Variants in CDH12 observed in about 807,000 individuals in gnomAD.
The protein encoded by CDH12 is cadherin-12.
CDH12 carries 41 observed loss-of-function variants against 74.1 expected under a neutral mutation model. The observed-to-expected ratio is 0.55, with a 90% CI of 0.43 to 0.72. CDH12 has a LOEUF of 0.72. CDH12 is among the 30% of genes least tolerant of loss of function. CDH12 has a pLI of 0.00. For synonymous variants in CDH12, 399 were observed against 355.0 expected (o/e 1.12, Z -1.39); for missense variants, 945 against 977.2 (o/e 0.97, Z 0.44).
chr5:21,798,072 AT>A (rs1746892027), intron 10 of CDH12, among the ~76,000 whole-genome samples: 1 of 151,990 alleles, frequency 6.6e-6, no homozygotes, highest in Admixed American at 6.6e-5. Flanking sequence ...AACTGTTCAC[AT>A]TTAAAAAAGA....
chr5:22,137,240 G>A (rs1176502252), intron 4 of CDH12, among the ~76,000 whole-genome samples: 6 of 152,040 alleles, frequency 3.9e-5, no homozygotes, highest in Non-Finnish European at 7.4e-5. Context: ...TGCCATTCAC[G>A]TTTTAGTAGT....
rs1161509257 is a variant in CDH12 at position 22,666,282 on chromosome 5, C to CTTTTTTTTTTTTTT, written c.-522-160932_-522-160919dup. On this transcript the variant is annotated intron_variant, in intron 1 of 14. Coordinates refer to ENST00000382254, the MANE Select transcript of CDH12 (RefSeq NM_004061.5). ...TTATGGGATTTCTGTATCTCTCTAT[C>CTTTTTTTTTTTTTT]TTTTTTTTTTTTTTTTTTTGTTTTT... is the stretch of plus-strand genomic sequence containing the variant. Among the ~76,000 whole-genome samples the CTTTTTTTTTTTTTT allele has an allele frequency of 2.8e-3, 230 of 83,510 alleles. 17 individuals are homozygous for CTTTTTTTTTTTTTT. The highest frequency in any genetic ancestry group is 0.012 in the East Asian group (34 of 2,952). 54.8% of individuals were successfully genotyped at this position (83,510 alleles called of 152,430 possible).
chr5:22,541,894 G>T (rs1001371108), intron 1 of CDH12, among the ~76,000 whole-genome samples: 3 of 152,156 alleles, frequency 2.0e-5, no homozygotes, highest in African/African-American at 7.2e-5. Flanking sequence ...CTTGAACCCA[G>T]TGTCAACACT....
At chr5:22,631,249 C>G (rs1408178872) in intron 1 of CDH12, among the ~76,000 whole-genome samples, 1 of 152,142 alleles carries the variant, frequency 6.6e-6, no homozygotes, top group African/African-American at 2.4e-5. Flanking sequence ...GAACTTAAAA[C>G]AGAATTACCA....
intron 1 of CDH12, among the ~76,000 whole-genome samples, chr5:22,552,885 G>C (rs1239728014): frequency 6.6e-6 from 1 of 152,110 alleles, no homozygotes; most frequent in Non-Finnish European, 1.5e-5. Context: ...GAAAGCTTTT[G>C]AATGGTTTGG....
At chr5:22,021,802 A>G (rs1239390592) in intron 5 of CDH12, among the ~76,000 whole-genome samples, 4 of 152,196 alleles carry the variant, frequency 2.6e-5, no homozygotes, top group African/African-American at 9.7e-5. Flanking sequence ...CTGTTATTAG[A>G]GCAAGGAGTT....
intron 4 of CDH12, among the ~76,000 whole-genome samples, chr5:22,199,363 C>T (rs1750795265): frequency 6.6e-6 from 1 of 152,062 alleles, no homozygotes; most frequent in Non-Finnish European, 1.5e-5. Context: ...CCAGGAGAGG[C>T]GTGAGGGTGG....
chr5:22,153,891 T>TAC (rs1415318611), intron 4 of CDH12, among the ~76,000 whole-genome samples: 4 of 32,064 alleles, frequency 1.2e-4, no homozygotes, highest in East Asian at 2.3e-3. Flanking sequence ...TATATATAAA[T>TAC]ATATATATAT....
intron 3 of CDH12, among the ~76,000 whole-genome samples, chr5:22,371,361 CTT>C (rs1388872488): frequency 6.6e-6 from 1 of 152,042 alleles, no homozygotes; most frequent in African/African-American, 2.4e-5. Context: ...TTACATTAAT[CTT>C]AACACATTTC....
At chr5:22,805,701 C>T (rs921939795) in intron 1 of CDH12, among the ~76,000 whole-genome samples, 3 of 152,032 alleles carry the variant, frequency 2.0e-5, no homozygotes, top group African/African-American at 7.3e-5. Context: ...GGTACATGTG[C>T]AGAACGTGCA....
chr5:22,237,880 T>C (rs550936903), intron 3 of CDH12, among the ~76,000 whole-genome samples: 1 of 152,332 alleles, frequency 6.6e-6, no homozygotes, highest in African/African-American at 2.4e-5. Flanking sequence ...TTCCTCCATA[T>C]GATGGCAAAT....
At chr5:22,776,391 T>C (rs2126330248) in intron 1 of CDH12, among the ~76,000 whole-genome samples, 1 of 152,264 alleles carries the variant, frequency 6.6e-6, no homozygotes, top group East Asian at 1.9e-4. Flanking sequence ...ATGATCCCTG[T>C]CCGTCCTTGA....
chr5:22,736,389 T>C (rs2127010853), intron 1 of CDH12, among the ~76,000 whole-genome samples: 1 of 151,964 alleles, frequency 6.6e-6, no homozygotes, highest in East Asian at 1.9e-4. Context: ...TTTGTGTTAT[T>C]TGCAAAAGAT....
At chr5:22,179,676 T>C (rs1215464419) in intron 4 of CDH12, among the ~76,000 whole-genome samples, 2 of 152,298 alleles carry the variant, frequency 1.3e-5, no homozygotes, top group South Asian at 2.1e-4. Flanking sequence ...CATTAGCATT[T>C]GCACTGGATA....
chr5:21,783,225 G>T, intron 11 of CDH12, 133 bp downstream of exon 11: 1 of 703,670 alleles, frequency 1.4e-6, no homozygotes, highest in Non-Finnish European at 2.4e-6. Flanking sequence ...AAAAGGAATA[G>T]GTTTCTGAGT....
In CDH12 at chr5:22,175,984, G is replaced by T. The variant is rs183988432; in HGVS notation, c.-187+36514C>A. Among the ~76,000 whole-genome samples the T allele has an allele frequency of 3.0e-3, 420 of 138,038 alleles. 1 individual carries two copies. Among genetic ancestry groups the T allele is most frequent in the Non-Finnish European group, 4.5e-3 (279 of 61,786 alleles). The allele number at this position is 138,038 out of a possible 152,430, so 90.6% of individuals were successfully genotyped here. On this transcript the variant is annotated intron_variant, in intron 4 of 14. Transcript: ENST00000382254. ...CCTAAAAATGTGTAGATCATTATAG[G>T]GCTGGTATCTCCTTCCCGGAACCCT...
Position 22,528,123 on chromosome 5 carries a change from G to T in CDH12, c.-522-22759C>A, listed in dbSNP as rs111481477. On this transcript the variant is annotated intron_variant, in intron 1 of 14. Coordinates refer to ENST00000382254, the MANE Select transcript of CDH12 (RefSeq NM_004061.5). ...TGTATAGAATTCAGATTAGTTAGAGGCCTAGAAGCAAAGAAGGATGGTCAT... is the reference window on the plus strand; with the variant it reads ...TGTATAGAATTCAGATTAGTTAGAGTCCTAGAAGCAAAGAAGGATGGTCAT... Among the ~76,000 whole-genome samples, 1,124 of 152,192 alleles carry T rather than the reference G, an allele frequency of 7.4e-3. 13 individuals are homozygous for T. The highest frequency in any genetic ancestry group is 0.025 in the African/African-American group (1,042 of 41,524).
At chr5:21,753,891 A>G (rs1010858239) in intron 14 of CDH12, among the ~76,000 whole-genome samples, 6 of 152,226 alleles carry the variant, frequency 3.9e-5, no homozygotes, top group Non-Finnish European at 7.3e-5. Context: ...AATAACAAAC[A>G]GAAAGAGTTT....
chr5:22,356,808 A>C (rs1237488419), intron 3 of CDH12, among the ~76,000 whole-genome samples: 2 of 152,120 alleles, frequency 1.3e-5, no homozygotes, highest in Admixed American at 1.3e-4. Flanking sequence ...TGGTAAGATG[A>C]ACTGTGTTCA....
Sources: allele counts gnomAD v4.1 joint callset (sites outside exome capture counted in the v4.1 genomes callset), GRCh38; gene constraint gnomAD v4.1.1; transcripts MANE v1.5; gene names NCBI Gene and HGNC (gene_info 2026-07-23, HGNC 2026-07-21).